The following CEP112 variants were observed in gnomAD, a reference collection of about 807,000 sequenced individuals.
CEP112 encodes the protein centrosomal protein 112.
In CEP112, 127 loss-of-function variants were observed where a neutral mutation model predicts 153.0. The observed-to-expected ratio is 0.83, with a 90% CI of 0.72 to 0.96. CEP112 has a LOEUF of 0.96. CEP112 is among the 40% of genes least tolerant of loss of function. The probability of loss-of-function intolerance (pLI) is 0.00; values close to 1 mark genes in which losing one functional copy is unlikely to be tolerated. For missense variants in CEP112, 1,089 were observed against 1,101.2 expected, an observed-to-expected ratio of 0.99 and a Z score of 0.16; for synonymous variants, 358 against 374.4, an observed-to-expected ratio of 0.96 and a Z score of 0.51.
At chr17:66,128,507 G>A (rs1208267382) in intron 6 of CEP112, among the ~76,000 whole-genome samples, 1 of 152,058 alleles carries the variant, frequency 6.6e-6, no homozygotes, top group Non-Finnish European at 1.5e-5. Flanking sequence ...AATCCCTAAT[G>A]TCAGTGAATA....
At chr17:65,846,777 G>A (rs1035312820) in intron 21 of CEP112, among the ~76,000 whole-genome samples, 2 of 152,104 alleles carry the variant, frequency 1.3e-5, no homozygotes, top group African/African-American at 4.8e-5. Context: ...CACCGTGTTA[G>A]CCAGGATGGT....
intron 17 of CEP112, among the ~76,000 whole-genome samples, chr17:65,970,990 T>C (rs1310516729): frequency 6.6e-6 from 1 of 152,190 alleles, no homozygotes; most frequent in Non-Finnish European, 1.5e-5. Flanking sequence ...TAAAAAACTT[T>C]GTAAAGGGCT....
intron 21 of CEP112, among the ~76,000 whole-genome samples, chr17:65,787,231 G>A (rs971904606): frequency 6.6e-6 from 1 of 152,202 alleles, no homozygotes; most frequent in Non-Finnish European, 1.5e-5. Flanking sequence ...TGTAATCTCA[G>A]CACTTTGGGA....
chr17:66,120,571 T>C (rs1489614904), intron 6 of CEP112, among the ~76,000 whole-genome samples: 6 of 152,196 alleles, frequency 3.9e-5, no homozygotes, highest in Non-Finnish European at 8.8e-5. Flanking sequence ...ATCTATTTCA[T>C]CTTAAGTGAA....
chr17:65,864,063 C>T (rs962083268), intron 20 of CEP112, among the ~76,000 whole-genome samples: 11 of 151,782 alleles, frequency 7.2e-5, no homozygotes, highest in Middle Eastern at 3.4e-3. Context: ...ATCGCTTGAA[C>T]CCGGGAGGCA....
intron 21 of CEP112, among the ~76,000 whole-genome samples, chr17:65,782,594 G>A (rs532409779): frequency 1.3e-5 from 2 of 152,274 alleles, no homozygotes; most frequent in East Asian, 3.9e-4. Flanking sequence ...CAACCTAGGT[G>A]CCCATCAATG....
intron 19 of CEP112, among the ~76,000 whole-genome samples, chr17:65,926,425 T>G: frequency 6.6e-6 from 1 of 152,132 alleles, no homozygotes; most frequent in Non-Finnish European, 1.5e-5. Context: ...CATAAGTCAC[T>G]CTTCAGGCCG....
chr17:65,954,688 C>T (rs1312320069), intron 18 of CEP112, among the ~76,000 whole-genome samples: 1 of 151,896 alleles, frequency 6.6e-6, no homozygotes, highest in Non-Finnish European at 1.5e-5. Flanking sequence ...GTCTGGAAAT[C>T]AAGGACACAC....
intron 8 of CEP112, among the ~76,000 whole-genome samples, chr17:66,080,405 C>T (rs529739877): frequency 7.7e-4 from 117 of 152,162 alleles, no homozygotes; most frequent in South Asian, 3.3e-3. Context: ...AACAAACATA[C>T]GAAGAAAAGC....
intron 18 of CEP112, among the ~76,000 whole-genome samples, chr17:65,948,396 G>A (rs985058384): frequency 2.0e-5 from 3 of 151,614 alleles, no homozygotes; most frequent in Non-Finnish European, 4.4e-5. Flanking sequence ...AGTGGCTAGC[G>A]GAAGCCCCAG....
At chr17:66,044,245 C>T (rs1415016637) in intron 12 of CEP112, among the ~76,000 whole-genome samples, 3 of 151,520 alleles carry the variant, frequency 2.0e-5, no homozygotes, top group Non-Finnish European at 4.4e-5. Flanking sequence ...TATACCTATG[C>T]AATAAACATC....
At chr17:65,639,739 T>C (rs557000773) in intron 25 of CEP112, among the ~76,000 whole-genome samples, 1 of 151,886 alleles carries the variant, frequency 6.6e-6, no homozygotes, top group African/African-American at 2.4e-5. Context: ...GTAAACTCTT[T>C]CTCATGATAC....
chr17:65,804,287 G>A (rs940950522), intron 21 of CEP112: 12 of 151,718 alleles, frequency 7.9e-5, no homozygotes, highest in African/African-American at 2.4e-4. Context: ...TAGATGAGCC[G>A]CTCATAACAC....
chr17:65,832,718 A>T (rs563368433), intron 21 of CEP112, among the ~76,000 whole-genome samples: 1 of 150,964 alleles, frequency 6.6e-6, no homozygotes, highest in African/African-American at 2.5e-5. Context: ...TAAATAGCCT[A>T]ACAAACAAAA....
intron 21 of CEP112, among the ~76,000 whole-genome samples, chr17:65,764,072 C>T (rs903874252): frequency 6.6e-6 from 1 of 151,992 alleles, no homozygotes; most frequent in Non-Finnish European, 1.5e-5. Flanking sequence ...CTAGCTCAAC[C>T]AGGATGGTTC....
intron 25 of CEP112, among the ~76,000 whole-genome samples, chr17:65,638,492 AAC>A (rs1367150473): frequency 2.6e-5 from 4 of 152,178 alleles, no homozygotes; most frequent in Admixed American, 2.6e-4. Context: ...AAGAGAAGAA[AAC>A]ACAGTCTTTC....
intron 21 of CEP112, among the ~76,000 whole-genome samples, chr17:65,770,105 GA>G (rs950903679): frequency 0.01 from 1,479 of 142,810 alleles, 24 homozygotes; most frequent in African/African-American, 0.036. Flanking sequence ...TTTCCAAAAT[GA>G]AAAAAAAAAC....
intron 24 of CEP112, among the ~76,000 whole-genome samples, chr17:65,679,168 T>TTTTTTTTTTTTA (rs2047390888): frequency 8.4e-6 from 1 of 119,526 alleles, no homozygotes; most frequent in Non-Finnish European, 1.7e-5. Flanking sequence ...TTTTTTTTTT[T>TTTTTTTTTTTTA]TTTCAGAAAA....
Position 65,981,578 on chromosome 17 carries a change from TG to T in CEP112, c.1737-19981del, listed in dbSNP as rs575288769. Among the ~76,000 whole-genome samples, 132 of 151,676 alleles carry T rather than the reference TG, an allele frequency of 8.7e-4. 3 individuals are homozygous for T. The South Asian group carries it at 9.0e-3, about 10-fold the overall frequency. On this transcript the variant is annotated intron_variant, in intron 17 of 26. Transcript: ENST00000535342. ...TCTCAGTCGTGGTTTTTGATTTTTTTGTTTGTTTGTTTTTGAAATGGAGTCT... is the reference window on the plus strand; with the variant it reads ...TCTCAGTCGTGGTTTTTGATTTTTTTTTTGTTTGTTTTTGAAATGGAGTCT...
Sources: allele counts gnomAD v4.1 joint callset (sites outside exome capture counted in the v4.1 genomes callset), GRCh38; gene constraint gnomAD v4.1.1; transcripts MANE v1.5; gene names NCBI Gene and HGNC (gene_info 2026-07-23, HGNC 2026-07-21).